HDAC9: variants seen among roughly 807,000 people sequenced by gnomAD.
HDAC9 encodes histone deacetylase 9.
In HDAC9, 41 loss-of-function variants were observed where a neutral mutation model predicts 139.4. The observed-to-expected ratio is 0.29, with a 90% CI of 0.23 to 0.38. The LOEUF (loss-of-function observed/expected upper bound fraction) is 0.38. HDAC9 is among the 10% of genes least tolerant of loss of function. The pLI, the probability that HDAC9 is intolerant of heterozygous loss-of-function variation, is 1.00. For synonymous variants in HDAC9, 517 were observed against 476.2 expected (o/e 1.09, Z -1.12); for missense variants, 1,147 against 1,297.0 (o/e 0.88, Z 1.78).
At chr7:18,326,600 T>C (rs1037198507) in intron 1 of HDAC9, among the ~76,000 whole-genome samples, 9 of 151,976 alleles carry the variant, frequency 5.9e-5, no homozygotes, top group Admixed American at 6.6e-5. Context: ...AAAAGCAACA[T>C]GTTAACAGTG....
intron 12 of HDAC9, among the ~76,000 whole-genome samples, chr7:18,705,852 C>CA (rs376206693): frequency 0.026 from 2,101 of 81,652 alleles, 149 homozygotes; most frequent in South Asian, 0.054. Context: ...GACTCTGTCT[C>CA]AAAAAAAAAA....
intron 6 of HDAC9, among the ~76,000 whole-genome samples, chr7:18,609,074 A>G (rs923518920): frequency 1.3e-5 from 2 of 152,188 alleles, no homozygotes; most frequent in Non-Finnish European, 2.9e-5. Flanking sequence ...ATGTCATTAT[A>G]TATATTTTGA....
At chr7:18,662,519 G>A (rs1451458955) in intron 11 of HDAC9, among the ~76,000 whole-genome samples, 3 of 152,020 alleles carry the variant, frequency 2.0e-5, no homozygotes, top group Non-Finnish European at 4.4e-5. Context: ...GGACACAGTG[G>A]ATAATTGCAG....
At chr7:18,670,419 C>A (rs190557079) in intron 12 of HDAC9, among the ~76,000 whole-genome samples, 1 of 152,134 alleles carries the variant, frequency 6.6e-6, no homozygotes, top group East Asian at 1.9e-4. Context: ...ATAATAACAT[C>A]TTTGAGGCTA....
chr7:18,662,636 G>C (rs1164319194), intron 11 of HDAC9, among the ~76,000 whole-genome samples: 1 of 152,032 alleles, frequency 6.6e-6, no homozygotes, highest in African/African-American at 2.4e-5. Flanking sequence ...CTTCATAAAT[G>C]TGCTGGTAGC....
intron 7 of HDAC9, among the ~76,000 whole-genome samples, chr7:18,632,917 G>T (rs1782780406): frequency 6.6e-6 from 1 of 151,962 alleles, no homozygotes; most frequent in Non-Finnish European, 1.5e-5. Flanking sequence ...TGACTCTAGG[G>T]TGATGAAAAA....
At chr7:18,846,511 A>C (rs1796915270) in intron 21 of HDAC9, among the ~76,000 whole-genome samples, 1 of 152,248 alleles carries the variant, frequency 6.6e-6, no homozygotes, top group Non-Finnish European at 1.5e-5. Context: ...CTTCAAAAGG[A>C]GAAAGGCCAT....
chr7:18,828,476 A>G (rs1441670112), intron 17 of HDAC9, among the ~76,000 whole-genome samples: 1 of 152,190 alleles, frequency 6.6e-6, no homozygotes, highest in African/African-American at 2.4e-5. Flanking sequence ...TTGATCATGG[A>G]TAGATCTGCT....
At chr7:18,639,601 T>G in intron 8 of HDAC9, among the ~76,000 whole-genome samples, 1 of 152,072 alleles carries the variant, frequency 6.6e-6, no homozygotes, top group Non-Finnish European at 1.5e-5. Flanking sequence ...GATTTTAATT[T>G]TCTATGAGCT....
chr7:18,781,011 T>G (rs1339092540), intron 16 of HDAC9, among the ~76,000 whole-genome samples: 2 of 152,162 alleles, frequency 1.3e-5, no homozygotes, highest in Admixed American at 1.3e-4. Context: ...AAGTTCAATA[T>G]CAAAATGTTG....
chr7:18,150,260 C>G (rs1223497608), intron 1 of HDAC9, among the ~76,000 whole-genome samples: 1 of 151,368 alleles, frequency 6.6e-6, no homozygotes, highest in African/African-American at 2.4e-5. Context: ...AGCAACAAAA[C>G]AGTCTGATTT....
At chr7:18,378,826 C>G (rs1785202200) in intron 1 of HDAC9, among the ~76,000 whole-genome samples, 1 of 152,010 alleles carries the variant, frequency 6.6e-6, no homozygotes, top group Admixed American at 6.6e-5. Context: ...GAGCATATAG[C>G]AAAGGGAGCT....
intron 2 of HDAC9, among the ~76,000 whole-genome samples, chr7:18,550,443 A>C (rs1032447910): frequency 2.6e-5 from 4 of 152,230 alleles, no homozygotes; most frequent in African/African-American, 9.6e-5. Context: ...GTACCAGTCA[A>C]CACAACAGAT....
At chr7:18,537,304 C>A (rs1157257326) in intron 2 of HDAC9, among the ~76,000 whole-genome samples, 1 of 151,938 alleles carries the variant, frequency 6.6e-6, no homozygotes, top group Admixed American at 6.6e-5. Context: ...AGGAATGGAA[C>A]CAAACTAAGG....
At chr7:18,132,447 G>T (rs1785076249) in intron 1 of HDAC9, among the ~76,000 whole-genome samples, 1 of 151,756 alleles carries the variant, frequency 6.6e-6, no homozygotes, top group African/African-American at 2.4e-5. Context: ...TCTCACTCTG[G>T]TGCCCAGGTT....
At chr7:18,224,633 G>A (rs1178984598) in intron 2 of HDAC9, among the ~76,000 whole-genome samples, 1 of 152,096 alleles carries the variant, frequency 6.6e-6, no homozygotes, top group Admixed American at 6.6e-5. Context: ...ACATTCACAT[G>A]GAGGCTCTTT....
intron 1 of HDAC9, among the ~76,000 whole-genome samples, chr7:18,486,883 G>A (rs1796013633): frequency 6.6e-6 from 1 of 152,068 alleles, no homozygotes; most frequent in African/African-American, 2.4e-5. Context: ...AAATAAGTAT[G>A]AATGGAAGTG....
intron 1 of HDAC9, among the ~76,000 whole-genome samples, chr7:18,375,237 A>G (rs2128706604): frequency 6.6e-6 from 1 of 152,318 alleles, no homozygotes; most frequent in South Asian, 2.1e-4. Flanking sequence ...TGGGAGGCTG[A>G]GGCAGGCGGA....
chr7:18,150,758 T>G (rs539771774), intron 1 of HDAC9, among the ~76,000 whole-genome samples: 4 of 152,344 alleles, frequency 2.6e-5, no homozygotes, highest in South Asian at 2.1e-4. Context: ...CACTCGATTC[T>G]CAGACTCTTG....
Sources: allele counts gnomAD v4.1 joint callset (sites outside exome capture counted in the v4.1 genomes callset), GRCh38; gene constraint gnomAD v4.1.1; transcripts MANE v1.5; gene names NCBI Gene and HGNC (gene_info 2026-07-23, HGNC 2026-07-21).